Variants in PIK3C3 observed in about 807,000 individuals in gnomAD.
The protein encoded by PIK3C3 is PI3-kinase type 3.
A neutral mutation model predicts 126.1 loss-of-function variants in PIK3C3; 95 were observed. The ratio of observed to expected loss-of-function variants is 0.75; its 90% CI spans 0.64 to 0.89. The LOEUF (loss-of-function observed/expected upper bound fraction) is 0.89, where lower values mean the gene tolerates loss of function less well. PIK3C3 is among the 40% of genes least tolerant of loss of function. The probability of loss-of-function intolerance (pLI) is 0.00; values close to 1 mark genes in which losing one functional copy is unlikely to be tolerated. For missense variants in PIK3C3, 829 were observed against 1,063.2 expected (o/e 0.78, Z 3.06); for synonymous variants, 374 against 360.0 (o/e 1.04, Z -0.44).
At chr18:42,067,196 A>G (rs1568009126) in intron 23 of PIK3C3, among the ~76,000 whole-genome samples, 192 bp from the exon 24 acceptor site, 1 of 152,216 alleles carries the variant, frequency 6.6e-6, no homozygotes, top group African/African-American at 2.4e-5. Context: ...GGTGATATAC[A>G]GAGCATATAA....
intron 24 of PIK3C3, among the ~76,000 whole-genome samples, chr18:42,072,287 A>C (rs1027907535): frequency 1.1e-4 from 17 of 152,234 alleles, no homozygotes; most frequent in African/African-American, 3.9e-4. Context: ...AAAGAATTAC[A>C]GATATTTCAG....
intron 16 of PIK3C3, 124 bp from the exon 17 acceptor site, chr18:42,037,568 A>G: frequency 1.3e-6 from 1 of 775,172 alleles, no homozygotes; most frequent in East Asian, 2.6e-5. Flanking sequence ...TGAAAACCCA[A>G]CTTGTTTTTT....
chr18:42,029,534 ATTTTTTTT>A (rs57593886), intron 15 of PIK3C3, 93 bp downstream of exon 15: 157 of 212,760 alleles, frequency 7.4e-4, no homozygotes, highest in Admixed American at 1.3e-3. Flanking sequence ...TGATACGTGA[ATTTTTTTT>A]TTTTTTTTTT....
At chr18:42,035,221 A>G (rs565552234) in intron 16 of PIK3C3, among the ~76,000 whole-genome samples, 8 of 152,190 alleles carry the variant, frequency 5.3e-5, no homozygotes, top group Non-Finnish European at 1.0e-4. Flanking sequence ...AGCTATGCAC[A>G]AGGTAATATA....
rs568439257 is a variant in PIK3C3 at position 41,972,483 on chromosome 18, A to G, written c.531+2027A>G. Among the ~76,000 whole-genome samples, 12 of 152,252 alleles carry G rather than the reference A, an allele frequency of 7.9e-5. No homozygotes were observed. In the South Asian group the frequency reaches 2.5e-3, roughly 32 times the overall value. ...TTTTATTGGTTTGTAAATCTTTAAAATGGGAATAAAAATTAATGAGAGTGA... is the reference window on the plus strand; with the variant it reads ...TTTTATTGGTTTGTAAATCTTTAAAGTGGGAATAAAAATTAATGAGAGTGA... On this transcript the variant is annotated intron_variant, in intron 4 of 24. Transcript: ENST00000262039.
chr18:41,968,433 ATTTTC>A (rs1980482906), intron 3 of PIK3C3, among the ~76,000 whole-genome samples: 1 of 152,042 alleles, frequency 6.6e-6, no homozygotes, highest in Admixed American at 6.6e-5. Context: ...TTGTACTGTA[ATTTTC>A]TTTTGATGTT....
intron 6 of PIK3C3, among the ~76,000 whole-genome samples, chr18:41,991,952 G>A (rs1011343333): frequency 6.6e-6 from 1 of 152,078 alleles, no homozygotes; most frequent in African/African-American, 2.4e-5. Context: ...TTCATTAAAG[G>A]CAGTATTTTC....
In PIK3C3 at chr18:42,085,399, T is replaced by A. The variant is rs545441845; in HGVS notation, c.*4262T>A. On this transcript the variant is annotated 3_prime_UTR_variant, in exon 25 of 25. Coordinates refer to ENST00000262039, the MANE Select transcript of PIK3C3 (RefSeq NM_002647.4). ...TGAATAAATAGTCTAGAAAAAAATT[T>A]AGGAAAAATTGCCATGAAATCATGA... 6.6e-6 allele frequency: 1 copy of A among 152,316 alleles called. No homozygotes were observed. Among genetic ancestry groups the A allele is most frequent in the African/African-American group, 2.4e-5 (1 of 41,584 alleles). The allele number at this position is 152,316 out of a possible 1,614,324, so 9.4% of individuals were successfully genotyped here. A position where few individuals can be genotyped will look rare whatever the true frequency, so the allele number is the denominator to read the frequency against.
intron 5 of PIK3C3, among the ~76,000 whole-genome samples, chr18:41,988,324 C>T (rs1981599251): frequency 1.3e-5 from 2 of 152,130 alleles, no homozygotes; most frequent in Admixed American, 6.6e-5. Context: ...ACATATAGGA[C>T]TCCGCACCCT....
chr18:41,955,382 G>A, intron 1 of PIK3C3, 23 bp downstream of exon 1: 1 of 1,602,252 alleles, frequency 6.2e-7, no homozygotes, highest in South Asian at 1.1e-5. Flanking sequence ...TCGGGACAGG[G>A]AGTGGGATTG....
chr18:41,996,573 T>C lies in PIK3C3; in HGVS notation c.892-65T>C, dbSNP rs952019325. 3.4e-5 allele frequency: 23 copies of C among 674,966 alleles called. No homozygotes were observed. In the Admixed American group the frequency reaches 6.5e-4, roughly 19 times the overall value. The allele number at this position is 674,966 out of a possible 1,614,324, so 41.8% of individuals were successfully genotyped here. On this transcript the variant is annotated intron_variant, in intron 8 of 24. Transcript: ENST00000262039. ...ATTTAAATAAATGAAAAATATTAAGTGAAATGGAAATATATAGGACATGTA... is the reference window on the plus strand; with the variant it reads ...ATTTAAATAAATGAAAAATATTAAGCGAAATGGAAATATATAGGACATGTA...
intron 21 of PIK3C3, chr18:42,052,790 A>G (rs760160582): frequency 2.0e-4 from 31 of 152,186 alleles, no homozygotes; most frequent in Non-Finnish European, 3.8e-4. Context: ...AAATGCCTCG[A>G]CTGTCATGAA....
At chr18:42,066,990 G>A (rs576794397) in intron 23 of PIK3C3, among the ~76,000 whole-genome samples, 1 of 151,792 alleles carries the variant, frequency 6.6e-6, no homozygotes, top group African/African-American at 2.4e-5. Flanking sequence ...AATTCACAAG[G>A]AATAACAGGA....
chr18:42,030,745 C>T (rs1983786477), intron 15 of PIK3C3, among the ~76,000 whole-genome samples: 1 of 152,128 alleles, frequency 6.6e-6, no homozygotes, highest in Admixed American at 6.5e-5. Context: ...CCAGAGGTGG[C>T]TGTGTGGGAA....
intron 15 of PIK3C3, among the ~76,000 whole-genome samples, chr18:42,032,937 CT>C (rs1983895906): frequency 6.6e-6 from 1 of 152,160 alleles, no homozygotes; most frequent in Admixed American, 6.5e-5. Context: ...TTTTTCTGAA[CT>C]TCTTTCACTG....
chr18:42,068,312 G>A (rs1985625556), intron 24 of PIK3C3, among the ~76,000 whole-genome samples: 1 of 152,068 alleles, frequency 6.6e-6, no homozygotes. Flanking sequence ...GCAACTTAAG[G>A]CCTTCTAGAA....
intron 4 of PIK3C3, among the ~76,000 whole-genome samples, chr18:41,976,016 T>C (rs1980903879): frequency 6.6e-6 from 1 of 152,182 alleles, no homozygotes; most frequent in Non-Finnish European, 1.5e-5. Context: ...ACTTTCTTTA[T>C]AGTATCCTTT....
At chr18:42,034,306 A>T (rs190909369) in intron 16 of PIK3C3, among the ~76,000 whole-genome samples, 1 of 152,168 alleles carries the variant, frequency 6.6e-6, no homozygotes, top group Non-Finnish European at 1.5e-5. Flanking sequence ...TTCCCACCTC[A>T]GCCTCCCAAA....
At chr18:42,003,110 A>G (rs1184805773) in intron 9 of PIK3C3, among the ~76,000 whole-genome samples, 7 of 152,202 alleles carry the variant, frequency 4.6e-5, no homozygotes, top group African/African-American at 1.7e-4. Flanking sequence ...TAAGCATTGA[A>G]CTAGACAATC....
Sources: gnomAD v4.1 joint callset for allele counts (sites outside exome capture counted in the v4.1 genomes callset) on GRCh38, gnomAD v4.1.1 for gene constraint, MANE v1.5 for transcripts, NCBI Gene and HGNC (gene_info 2026-07-23, HGNC 2026-07-21) for gene names.